The following NDRG1 variants were observed in gnomAD, a reference collection of about 807,000 sequenced individuals.
NDRG1 encodes the protein N-myc downstream regulated 1.
NDRG1 carries 32 observed loss-of-function variants against 56.9 expected under a neutral mutation model. The ratio of observed to expected loss-of-function variants is 0.56; its 90% CI spans 0.42 to 0.76. The LOEUF is 0.76. NDRG1 is among the 30% of genes least tolerant of loss of function. The pLI, the probability that NDRG1 is intolerant of heterozygous loss-of-function variation, is 0.00. For synonymous variants in NDRG1, 211 were observed against 204.1 expected (o/e 1.03, Z -0.29); for missense variants, 507 against 545.7 (o/e 0.93, Z 0.71).
intron 13 of NDRG1, among the ~76,000 whole-genome samples, chr8:133,245,043 T>C (rs1586409024): frequency 6.6e-6 from 1 of 151,440 alleles, no homozygotes; most frequent in South Asian, 2.1e-4. Context: ...TTCATGGGAG[T>C]GGTGAGGCTG....
rs1489186863 is a variant in NDRG1 at position 133,238,650 on chromosome 8, C to T, written c.*228G>A. 1.3e-5 allele frequency: 8 copies of T among 593,124 alleles called. No homozygotes were observed. The highest frequency in any genetic ancestry group is 3.1e-5 in the Admixed American group (1 of 32,408). The allele number at this position is 593,124 out of a possible 1,614,324, so 36.7% of individuals were successfully genotyped here. ...GGCCACTGGTTAATGGAAGAGGATG[C>T]GATGCGGAGATGCTTGCTTCCTTCC... On this transcript the variant is annotated 3_prime_UTR_variant, in exon 16 of 16. Transcript: ENST00000323851.
intron 8 of NDRG1, chr8:133,254,998 TA>T: frequency 3.0e-6 from 1 of 330,992 alleles, no homozygotes; most frequent in South Asian, 2.6e-5. Context: ...GGCTCCCAAC[TA>T]TCCCTCCTCT....
At chr8:133,276,345 G>C (rs558319463) in intron 3 of NDRG1, among the ~76,000 whole-genome samples, 1 of 152,290 alleles carries the variant, frequency 6.6e-6, no homozygotes, top group East Asian at 1.9e-4. Context: ...TCTTCGCAGG[G>C]AGCAGATAAA....
At chr8:133,270,822 C>T (rs1051918726) in intron 3 of NDRG1, among the ~76,000 whole-genome samples, 1 of 152,190 alleles carries the variant, frequency 6.6e-6, no homozygotes, top group Non-Finnish European at 1.5e-5. Context: ...AATGATATAA[C>T]CACCACGTGC....
intron 3 of NDRG1, among the ~76,000 whole-genome samples, chr8:133,271,820 C>T (rs1483874249): frequency 2.3e-5 from 2 of 86,982 alleles, no homozygotes; most frequent in Non-Finnish European, 4.7e-5. Flanking sequence ...GTAAAGAACA[C>T]ATAAAGTACC....
chr8:133,242,706 G>A (rs1389218676), intron 14 of NDRG1, among the ~76,000 whole-genome samples: 3 of 125,268 alleles, frequency 2.4e-5, no homozygotes, highest in Non-Finnish European at 5.4e-5. Flanking sequence ...AGGATGGATG[G>A]AAAGAAGGAA....
intron 15 of NDRG1, among the ~76,000 whole-genome samples, chr8:133,241,712 A>T (rs1052146283): frequency 2.0e-5 from 3 of 152,200 alleles, no homozygotes; most frequent in Non-Finnish European, 1.5e-5. Flanking sequence ...CAAAATTTTT[A>T]AAAATGTTAT....
intron 3 of NDRG1, among the ~76,000 whole-genome samples, chr8:133,270,549 G>C (rs1250924013): frequency 2.0e-5 from 3 of 152,076 alleles, no homozygotes; most frequent in African/African-American, 7.2e-5. Context: ...TTTTAAAAAG[G>C]GTCAAACTTG....
At chr8:133,240,958 G>C (rs1463477280) in intron 15 of NDRG1, 1 of 152,198 alleles carries the variant, frequency 6.6e-6, no homozygotes, top group Non-Finnish European at 1.5e-5. Flanking sequence ...GATAGCTTCT[G>C]TTGGAAGAGG....
intron 1 of NDRG1, chr8:133,284,725 G>A (rs1439785324): frequency 2.2e-6 from 1 of 461,534 alleles, no homozygotes; most frequent in Non-Finnish European, 4.3e-6. Context: ...GTGTGACAAT[G>A]AAAGGGGAAC....
intron 9 of NDRG1, among the ~76,000 whole-genome samples, chr8:133,252,958 G>C (rs1586427724): frequency 6.6e-6 from 1 of 151,550 alleles, no homozygotes; most frequent in African/African-American, 2.4e-5. Context: ...CTGTTCCCCT[G>C]GTGTACTCGC....
intron 3 of NDRG1, among the ~76,000 whole-genome samples, chr8:133,279,957 A>G (rs983376748): frequency 6.6e-6 from 1 of 151,786 alleles, no homozygotes; most frequent in African/African-American, 2.4e-5. Flanking sequence ...TTCCCCACAC[A>G]CGCCCCACCG....
At chr8:133,272,898 AAG>A (rs748411828) in intron 3 of NDRG1, among the ~76,000 whole-genome samples, 10 of 152,212 alleles carry the variant, frequency 6.6e-5, no homozygotes, top group Non-Finnish European at 1.2e-4. Flanking sequence ...ACTGTGTGGA[AAG>A]AGAGAAATTA....
chr8:133,254,477 C>T (rs750649638), intron 9 of NDRG1, 62 bp downstream of exon 9: 10 of 1,585,786 alleles, frequency 6.3e-6, no homozygotes, highest in African/African-American at 4.0e-5. Context: ...GGGCCCTGTG[C>T]TGAGCACCAC....
At chr8:133,267,521 A>G (rs1399456193) in intron 3 of NDRG1, among the ~76,000 whole-genome samples, 1 of 152,150 alleles carries the variant, frequency 6.6e-6, no homozygotes, top group African/African-American at 2.4e-5. Context: ...TTTCCTGCCC[A>G]TAACAGGCAC....
In NDRG1 at chr8:133,270,147, C is replaced by T. The variant is rs554150718; in HGVS notation, c.100-5495G>A. ...GCTCTCCAATTGACAGAGTCTGGCC[C>T]GGAGGGTACACTTAGAGATTTACAG... is the stretch of plus-strand genomic sequence containing the variant. On this transcript the variant is annotated intron_variant, in intron 3 of 15. Transcript: ENST00000323851. Among the ~76,000 whole-genome samples the T allele has an allele frequency of 1.1e-4, 17 of 152,338 alleles. No individual in the cohort carries two copies. In the South Asian group the frequency reaches 1.2e-3, roughly 11 times the overall value.
Position 133,258,224 on chromosome 8 carries a change from A to AG in NDRG1, c.450+141_450+142insC, listed in dbSNP as rs1856478672. The AG allele has an allele frequency of 5.1e-6, 4 of 785,660 alleles. No individual in the cohort carries two copies. In the African/African-American group the frequency reaches 5.4e-5, roughly 11 times the overall value. The allele number at this position is 785,660 out of a possible 1,614,324, so 48.7% of individuals were successfully genotyped here. On this transcript the variant is annotated intron_variant, in intron 7 of 15. Coordinates refer to ENST00000323851, the MANE Select transcript of NDRG1 (RefSeq NM_006096.4). Reference sequence around the variant, plus strand: ...TATATATATATACGAGTACCCATGCACCACACACACACACACACACAACTG... The same window carrying AG: ...TATATATATATACGAGTACCCATGCAGCCACACACACACACACACACAACTG...
At chr8:133,264,177 G>C (rs540039271) in intron 4 of NDRG1, among the ~76,000 whole-genome samples, 27 of 152,312 alleles carry the variant, frequency 1.8e-4, no homozygotes, top group Middle Eastern at 3.4e-3. Context: ...GTCATCTGAG[G>C]GTGGGGTGAC....
chr8:133,256,223 T>G lies in NDRG1; in HGVS notation c.537+554A>C, dbSNP rs554790913. The stretch of plus-strand genomic sequence containing the variant: ...AAATTCTCACCTCCTAGAGTTACTA[T>G]GAAGATTAACTGAGATCATGCACAC... On this transcript the variant is annotated intron_variant, in intron 8 of 15. Transcript: ENST00000323851. 8.3e-5 allele frequency: 13 copies of G among 156,732 alleles called. No individual in the cohort carries two copies. The South Asian group carries it at 2.5e-3, about 30-fold the overall frequency. The allele number at this position is 156,732 out of a possible 1,614,324, so 9.7% of individuals were successfully genotyped here. A position where few individuals can be genotyped will look rare whatever the true frequency, so the allele number is the denominator to read the frequency against.
Sources: allele counts gnomAD v4.1 joint callset (sites outside exome capture counted in the v4.1 genomes callset), GRCh38; gene constraint gnomAD v4.1.1; transcripts MANE v1.5; gene names NCBI Gene and HGNC (gene_info 2026-07-23, HGNC 2026-07-21).